RTL4: variants seen among roughly 807,000 people sequenced by gnomAD.
The protein encoded by RTL4 is retrotransposon Gag-like protein 4.
A neutral mutation model predicts 5.3 loss-of-function variants in RTL4; 4 were observed. That is an observed-to-expected ratio of 0.75 (90% CI 0.37 to 1.72). RTL4 has a LOEUF of 1.72. RTL4 is among the 40% of genes most tolerant of loss of function. The probability of loss-of-function intolerance (pLI) is 0.04; values close to 1 mark genes in which losing one functional copy is unlikely to be tolerated. For synonymous variants in RTL4, 98 were observed against 87.3 expected (o/e 1.12, Z -0.68); for missense variants, 260 against 227.1 (o/e 1.14, Z -0.93).
At chrX:112,092,096 G>A in the RTL4 span, among the ~76,000 whole-genome samples, 4 of 110,589 alleles carry the variant, frequency 3.6e-5, no homozygotes, top group East Asian at 5.7e-4. Context: ...TTTCACTTTC[G>A]TTTCTTTGGA....
the RTL4 span, among the ~76,000 whole-genome samples, chrX:112,332,318 C>T: frequency 8.1e-5 from 9 of 110,519 alleles, no homozygotes; most frequent in Non-Finnish European, 1.5e-4. Context: ...TTGACCCAGC[C>T]ATCCCATTAC....
the RTL4 span, among the ~76,000 whole-genome samples, chrX:112,149,213 G>A: frequency 9.0e-6 from 1 of 111,313 alleles, no homozygotes; most frequent in African/African-American, 3.3e-5. Flanking sequence ...CTTTTTCGAG[G>A]CACTAGGGAT....
the RTL4 span, among the ~76,000 whole-genome samples, chrX:112,272,143 C>T: frequency 8.9e-6 from 1 of 111,905 alleles, no homozygotes; most frequent in South Asian, 3.7e-4. Context: ...ATCCTGCGTG[C>T]ATAACTGAAA....
At chrX:112,443,421 T>C in the RTL4 span, among the ~76,000 whole-genome samples, 4 of 111,630 alleles carry the variant, frequency 3.6e-5, no homozygotes, top group African/African-American at 1.3e-4. Context: ...CTCCTCCTTA[T>C]ACTGATTCTT....
the RTL4 span, among the ~76,000 whole-genome samples, chrX:112,098,014 T>A: frequency 2.7e-5 from 3 of 111,407 alleles, no homozygotes; most frequent in Admixed American, 2.9e-4. Context: ...AACGTGCAGG[T>A]TAGTTACATA....
At chrX:112,229,345 C>T in the RTL4 span, among the ~76,000 whole-genome samples, 32 of 112,232 alleles carry the variant, frequency 2.9e-4, no homozygotes, top group Admixed American at 2.7e-3. Context: ...CAGCCCTATT[C>T]AAATAGGTAC....
the RTL4 span, among the ~76,000 whole-genome samples, chrX:112,220,668 T>C: frequency 8.9e-6 from 1 of 112,368 alleles, no homozygotes; most frequent in Non-Finnish European, 1.9e-5. Flanking sequence ...AAACATAAGT[T>C]CCAATTTCAG....
chrX:112,181,062 C>T, the RTL4 span, among the ~76,000 whole-genome samples: 1,957 of 111,437 alleles, frequency 0.018, 71 homozygotes, highest in Admixed American at 0.11. Context: ...TTGCCTCACC[C>T]GGGAAGTGCA....
exon 1 of RTL4, chrX:112,455,445 C>T: frequency 1.7e-6 from 2 of 1,210,975 alleles, no homozygotes; most frequent in Non-Finnish European, 2.2e-6. Context: ...CTTCCTTGAT[C>T]CAACACCAAG....
At chrX:112,236,265 T>C in the RTL4 span, among the ~76,000 whole-genome samples, 1 of 107,224 alleles carries the variant, frequency 9.3e-6, no homozygotes, top group Non-Finnish European at 1.9e-5. Flanking sequence ...GATGGAAACT[T>C]TATGAGCCCC....
the RTL4 span, among the ~76,000 whole-genome samples, chrX:112,172,582 G>A: frequency 6.0e-4 from 67 of 110,914 alleles, 1 homozygote; most frequent in East Asian, 0.013. Flanking sequence ...GTTCAACCAC[G>A]GTGGAAGACA....
chrX:112,155,669 C>G, the RTL4 span, among the ~76,000 whole-genome samples: 1 of 111,462 alleles, frequency 9.0e-6, no homozygotes, highest in Non-Finnish European at 1.9e-5. Flanking sequence ...ACAAAACTCA[C>G]AGTTTTTAAC....
chrX:112,101,835 C>T, the RTL4 span, among the ~76,000 whole-genome samples: 1 of 109,982 alleles, frequency 9.1e-6, no homozygotes, highest in Admixed American at 9.7e-5. Context: ...TATAGAAAAG[C>T]ACAGAGACAT....
At chrX:112,419,057 T>TTA in the RTL4 span, among the ~76,000 whole-genome samples, 576 of 92,020 alleles carry the variant, frequency 6.3e-3, 4 homozygotes, top group East Asian at 0.03. Context: ...TATATATATC[T>TTA]TATATATATA....
the RTL4 span, among the ~76,000 whole-genome samples, chrX:112,217,815 A>T: frequency 8.9e-6 from 1 of 111,766 alleles, no homozygotes; most frequent in Non-Finnish European, 1.9e-5. Context: ...CTCATTCTTT[A>T]TCATGGTGTC....
At chrX:112,270,048 T>G in the RTL4 span, among the ~76,000 whole-genome samples, 3 of 112,296 alleles carry the variant, frequency 2.7e-5, no homozygotes, top group African/African-American at 9.7e-5. Flanking sequence ...ATTGGCAACA[T>G]CCTAAGAAAG....
chrX:112,297,345 TG>T, the RTL4 span, among the ~76,000 whole-genome samples: 3 of 111,596 alleles, frequency 2.7e-5, no homozygotes, highest in African/African-American at 9.8e-5. Flanking sequence ...TTCTGCAAGC[TG>T]TACAGGAAAC....
chrX:112,218,522 C>A, the RTL4 span, among the ~76,000 whole-genome samples: 3,471 of 111,627 alleles, frequency 0.031, 122 homozygotes, highest in African/African-American at 0.11. Context: ...CTGTCTGCAC[C>A]CAATTTCGAG....
the RTL4 span, among the ~76,000 whole-genome samples, chrX:112,205,021 C>CT: frequency 1.8e-5 from 2 of 111,826 alleles, no homozygotes; most frequent in Admixed American, 9.5e-5. Flanking sequence ...CTGTGTTGAT[C>CT]TTTTATTTTG....
Sources: allele counts gnomAD v4.1 joint callset (sites outside exome capture counted in the v4.1 genomes callset), GRCh38; gene constraint gnomAD v4.1.1; transcripts MANE v1.5; gene names NCBI Gene and HGNC (gene_info 2026-07-23, HGNC 2026-07-21).